The following CRPPA variants were observed in gnomAD, a reference collection of about 807,000 sequenced individuals.
CRPPA encodes D-ribitol-5-phosphate cytidylyltransferase.
CRPPA carries 43 observed loss-of-function variants against 52.0 expected under a neutral mutation model. The observed-to-expected ratio is 0.83, with a 90% CI of 0.65 to 1.07. The LOEUF (loss-of-function observed/expected upper bound fraction) is 1.07. Ranked by LOEUF, CRPPA falls within the 50% of genes least tolerant of loss-of-function variation. CRPPA has a pLI of 0.00. For synonymous variants in CRPPA, 250 were observed against 203.5 expected, an observed-to-expected ratio of 1.23 and a Z score of -1.94; for missense variants, 629 against 551.7, an observed-to-expected ratio of 1.14 and a Z score of -1.40.
At chr7:16,352,012 C>A (rs1406492226) in intron 3 of CRPPA, among the ~76,000 whole-genome samples, 2 of 152,052 alleles carry the variant, frequency 1.3e-5, no homozygotes, top group African/African-American at 4.8e-5. Flanking sequence ...TGGAACCAAC[C>A]CAAATGCCCA....
chr7:16,290,819 C>G (rs1284181422), intron 5 of CRPPA, among the ~76,000 whole-genome samples: 2 of 151,854 alleles, frequency 1.3e-5, no homozygotes, highest in African/African-American at 4.8e-5. Flanking sequence ...AGCTTCTGCA[C>G]AGCAAAGAAA....
At chr7:16,348,057 C>T (rs1175874609) in intron 3 of CRPPA, among the ~76,000 whole-genome samples, 2 of 152,208 alleles carry the variant, frequency 1.3e-5, no homozygotes, top group East Asian at 3.9e-4. Context: ...CCAGTGGCTA[C>T]TTGGCACAAC....
At chr7:16,351,185 C>A (rs957857911) in intron 3 of CRPPA, among the ~76,000 whole-genome samples, 1 of 152,048 alleles carries the variant, frequency 6.6e-6, no homozygotes, top group African/African-American at 2.4e-5. Context: ...ATAAATGGTA[C>A]TGGGAAAACC....
At chr7:16,252,534 G>A (rs375481519) in intron 8 of CRPPA, among the ~76,000 whole-genome samples, 5 of 152,064 alleles carry the variant, frequency 3.3e-5, no homozygotes, top group African/African-American at 7.2e-5. Flanking sequence ...TTTTTGCATC[G>A]TTGTTCATCA....
Position 16,148,660 on chromosome 7 carries a change from G to A in CRPPA, c.1252-56861C>T, listed in dbSNP as rs142153803. On this transcript the variant is annotated intron_variant, in intron 9 of 9. Coordinates refer to ENST00000407010, the MANE Select transcript of CRPPA (RefSeq NM_001101426.4). ...GGAAGGTAATGGCCAGGGGAAAACA[G>A]GGAAATGGTTAATGTATAGAAAATT... Among the ~76,000 whole-genome samples the A allele has an allele frequency of 2.9e-3, 446 of 152,154 alleles. 3 individuals carry two copies. The highest frequency in any genetic ancestry group is 0.01 in the African/African-American group (427 of 41,514).
intron 9 of CRPPA, among the ~76,000 whole-genome samples, chr7:16,112,233 T>C (rs983748142): frequency 6.6e-6 from 1 of 152,046 alleles, no homozygotes; most frequent in African/African-American, 2.4e-5. Flanking sequence ...AAGAATTTCT[T>C]AAACCTGGGA....
intron 5 of CRPPA, among the ~76,000 whole-genome samples, chr7:16,292,650 C>A (rs1000170111): frequency 6.6e-6 from 1 of 151,912 alleles, no homozygotes; most frequent in Non-Finnish European, 1.5e-5. Context: ...GGGTTCAACT[C>A]CCTGATTAAT....
Position 16,091,726 on chromosome 7 carries a change from G to T in CRPPA, c.1325C>A (p.Ser442Tyr). The change falls in exon 10 of 10, where the codon TCT becomes TAT. Residue 442 changes from serine to tyrosine, a missense_variant. Ser to Tyr is a moderately radical substitution (Grantham distance 144, BLOSUM62 -2). Transcript: ENST00000407010. ...TATCAGAAGCTGACCAATGAGTCCA[G>T]AATTTCTTTCCTTGATTAATGAAGC... ...IIASLIKERN[S>Y]GLIGQLLIA 1 of 1,560,778 alleles carries T rather than the reference G, an allele frequency of 6.4e-7. No homozygotes were observed.
intron 2 of CRPPA, among the ~76,000 whole-genome samples, chr7:16,380,408 A>G (rs1787047944): frequency 6.6e-6 from 1 of 151,908 alleles, no homozygotes; most frequent in South Asian, 2.1e-4. Flanking sequence ...TTTATTGAGG[A>G]TTTTTGCATC....
intron 9 of CRPPA, among the ~76,000 whole-genome samples, chr7:16,104,562 G>C (rs1782110472): frequency 6.6e-6 from 1 of 152,188 alleles, no homozygotes; most frequent in African/African-American, 2.4e-5. Context: ...GAATAATCTT[G>C]TGTCAGAAGA....
At chr7:16,104,081 T>C (rs560607341) in intron 9 of CRPPA, among the ~76,000 whole-genome samples, 45 of 152,322 alleles carry the variant, frequency 3.0e-4, no homozygotes, top group African/African-American at 1.1e-3. Context: ...TTTTGAATAT[T>C]GGTTAATGGG....
chr7:16,294,286 G>A (rs538429325), intron 5 of CRPPA, among the ~76,000 whole-genome samples: 1 of 151,886 alleles, frequency 6.6e-6, no homozygotes, highest in East Asian at 1.9e-4. Flanking sequence ...GCTGGCTTTT[G>A]TCTGATATCA....
At chr7:16,116,637 G>T (rs1314702709) in intron 9 of CRPPA, among the ~76,000 whole-genome samples, 1 of 104,772 alleles carries the variant, frequency 9.5e-6, no homozygotes, top group Non-Finnish European at 2.0e-5. Flanking sequence ...ACCCAGCCTG[G>T]GCAATACAGC....
intron 3 of CRPPA, among the ~76,000 whole-genome samples, chr7:16,342,798 T>TAGATAGAAAGATAGATAG (rs1491461185): frequency 9.9e-6 from 1 of 101,254 alleles, no homozygotes; most frequent in Non-Finnish European, 1.9e-5. Context: ...TATATATATA[T>TAGATAGAAAGATAGATAG]CTATATAGAT....
intron 9 of CRPPA, among the ~76,000 whole-genome samples, chr7:16,144,354 AAGGCAGTCCTACCTGTCTAG>A: frequency 6.6e-6 from 1 of 152,324 alleles, no homozygotes; most frequent in Middle Eastern, 3.4e-3. Flanking sequence ...ACTTCAGTCC[AAGGCAGTCCTACCTGTCTAG>A]AGACATGCCC....
intron 8 of CRPPA, among the ~76,000 whole-genome samples, chr7:16,250,279 C>G (rs1204795618): frequency 6.6e-6 from 1 of 152,152 alleles, no homozygotes; most frequent in Non-Finnish European, 1.5e-5. Flanking sequence ...GGGAGAATGA[C>G]ACCAAGTTGG....
At chr7:16,150,571 A>G (rs1285982807) in intron 9 of CRPPA, among the ~76,000 whole-genome samples, 1 of 152,164 alleles carries the variant, frequency 6.6e-6, no homozygotes, top group Admixed American at 6.5e-5. Flanking sequence ...CTATTTTGCT[A>G]TTTTTAGAAT....
chr7:16,330,609 C>T (rs537758058), intron 3 of CRPPA, among the ~76,000 whole-genome samples: 12 of 152,242 alleles, frequency 7.9e-5, no homozygotes, highest in East Asian at 5.8e-4. Flanking sequence ...TTAAAAACTC[C>T]GGGAAAACCC....
At chr7:16,250,632 T>C (rs1783421834) in intron 8 of CRPPA, among the ~76,000 whole-genome samples, 2 of 152,098 alleles carry the variant, frequency 1.3e-5, no homozygotes, top group African/African-American at 4.8e-5. Context: ...CTAAGCTTCA[T>C]AAGTCAAGGA....
Sources: gnomAD v4.1 joint callset for allele counts (sites outside exome capture counted in the v4.1 genomes callset) on GRCh38, gnomAD v4.1.1 for gene constraint, MANE v1.5 for transcripts, NCBI Gene and HGNC (gene_info 2026-07-23, HGNC 2026-07-21) for gene names.